The following GPD2 variants were observed in gnomAD, a reference collection of about 807,000 sequenced individuals.
GPD2 encodes glycerol-3-phosphate dehydrogenase, mitochondrial.
GPD2 carries 54 observed loss-of-function variants against 82.4 expected under a neutral mutation model. That is an observed-to-expected ratio of 0.66 (90% CI 0.53 to 0.82). GPD2 has a LOEUF of 0.82. Ranked by LOEUF, GPD2 falls within the 40% of genes least tolerant of loss-of-function variation. The pLI is 0.00. For missense variants in GPD2, 748 were observed against 896.2 expected, an observed-to-expected ratio of 0.83 and a Z score of 2.11; for synonymous variants, 288 against 306.1, an observed-to-expected ratio of 0.94 and a Z score of 0.62.
At position 156,512,312 on chromosome 2, in the gene GPD2, T is replaced by G. The variant is rs114815323; in HGVS notation, c.492T>G (p.Val164=). 34 of 1,527,696 alleles carry G rather than the reference T, an allele frequency of 2.2e-5. No homozygotes were observed. In the African/African-American group the frequency reaches 4.2e-4, roughly 19 times the overall value. 94.6% of individuals were successfully genotyped at this position (1,527,696 alleles called of 1,614,324 possible). The part of the protein sequence containing the change: ...LSAPLPIMLP[V]YKWWQLPYYW... The stretch of plus-strand genomic sequence containing the variant: ...CTCCATTGCCTATAATGCTTCCAGT[T>G]TACAAGTAAGCCTTTTGATATCACC... The change falls in exon 5 of 17, where the codon GTT becomes GTG. Residue 164 remains valine, a synonymous_variant. Coordinates refer to ENST00000438166, the MANE Select transcript of GPD2 (RefSeq NM_000408.5).
At chr2:156,476,961 A>T (rs1034833737) in intron 2 of GPD2, among the ~76,000 whole-genome samples, 1 of 152,208 alleles carries the variant, frequency 6.6e-6, no homozygotes, top group Non-Finnish European at 1.5e-5. Context: ...TCAAAGATGA[A>T]GGTGAAGGAA....
intron 16 of GPD2, among the ~76,000 whole-genome samples, chr2:156,581,993 G>T (rs1175051311): frequency 6.6e-6 from 1 of 151,938 alleles, no homozygotes; most frequent in Non-Finnish European, 1.5e-5. Flanking sequence ...TATATGATGT[G>T]TGTGCATGTG....
At chr2:156,544,316 A>C (rs1347098) in intron 6 of GPD2, among the ~76,000 whole-genome samples, 107,170 of 152,030 alleles carry the variant, frequency 0.7, 37,883 homozygotes, top group Middle Eastern at 0.82. Context: ...ACAAGGGCAC[A>C]AGCAGAAACA....
intron 3 of GPD2, 147 bp downstream of exon 3, chr2:156,496,362 T>G: frequency 1.6e-6 from 1 of 627,254 alleles, no homozygotes. Context: ...ATGCATTAGC[T>G]ATTTATCCTG....
Position 156,476,211 on chromosome 2 carries a change from A to G in GPD2, c.102+4A>G, listed in dbSNP as rs368949269. 5 of 1,459,612 alleles carry G rather than the reference A, an allele frequency of 3.4e-6. No homozygotes were observed. Among genetic ancestry groups the G allele is most frequent in the Non-Finnish European group, 4.8e-6 (5 of 1,039,040 alleles). 90.4% of individuals were successfully genotyped at this position (1,459,612 alleles called of 1,614,324 possible). ...TGCTCATTACAGAAGGAAACAAGTA[A>G]GTAACTGTACTTGTGTTGATTACAG... On this transcript the variant is annotated splice_donor_region_variant and intron_variant, in intron 2 of 16. Coordinates refer to ENST00000438166, the MANE Select transcript of GPD2 (RefSeq NM_000408.5).
intron 6 of GPD2, among the ~76,000 whole-genome samples, chr2:156,534,169 T>G (rs1244179898): frequency 6.6e-6 from 1 of 151,510 alleles, no homozygotes. Flanking sequence ...TCGCCTGGAG[T>G]TTGGCCGTCC....
At chr2:156,536,475 A>G (rs1049580121) in intron 6 of GPD2, among the ~76,000 whole-genome samples, 3 of 152,242 alleles carry the variant, frequency 2.0e-5, no homozygotes, top group African/African-American at 7.2e-5. Flanking sequence ...ATCCTCAGCT[A>G]CGATATTGAT....
chr2:156,451,767 G>T lies in GPD2; in HGVS notation c.-9+15254G>T, dbSNP rs540241351. The stretch of plus-strand genomic sequence containing the variant: ...GGCTGACCCCCCCACCTCCCTCCCA[G>T]ACAGGGTGGCTGCCGGGCGGAGACA... On this transcript the variant is annotated intron_variant, in intron 1 of 16. Transcript: ENST00000438166. Among the ~76,000 whole-genome samples, 5 of 151,700 alleles carry T rather than the reference G, an allele frequency of 3.3e-5. 1 individual carries two copies. In the South Asian group the frequency reaches 1.0e-3, roughly 32 times the overall value.
intron 6 of GPD2, among the ~76,000 whole-genome samples, chr2:156,522,998 C>A (rs937423377): frequency 2.2e-4 from 33 of 151,718 alleles, no homozygotes; most frequent in Non-Finnish European, 4.4e-5. Context: ...CTTCCTCTTT[C>A]CCCCCTGCTC....
the GPD2 span, among the ~76,000 whole-genome samples, chr2:156,417,848 T>C: frequency 6.6e-5 from 10 of 150,852 alleles, no homozygotes; most frequent in African/African-American, 2.4e-4. Flanking sequence ...GTATCACTAC[T>C]CTTCAGCCTG....
At chr2:156,415,293 G>A in the GPD2 span, among the ~76,000 whole-genome samples, 3 of 151,526 alleles carry the variant, frequency 2.0e-5, no homozygotes, top group African/African-American at 7.3e-5. Context: ...CGAGTAGCTG[G>A]TATTACACGC....
At chr2:156,567,966 T>C (rs2105361243) in intron 9 of GPD2, among the ~76,000 whole-genome samples, 1 of 152,224 alleles carries the variant, frequency 6.6e-6, no homozygotes, top group South Asian at 2.1e-4. Flanking sequence ...ATAATTCAAG[T>C]ATAATGTACC....
intron 13 of GPD2, among the ~76,000 whole-genome samples, chr2:156,574,220 A>G (rs1687738641): frequency 6.6e-6 from 1 of 152,088 alleles, no homozygotes; most frequent in Non-Finnish European, 1.5e-5. Flanking sequence ...TTAGAGAAAA[A>G]AAAAAACATT....
intron 9 of GPD2, among the ~76,000 whole-genome samples, chr2:156,565,911 G>A (rs1687371853): frequency 6.6e-6 from 1 of 152,072 alleles, no homozygotes; most frequent in Non-Finnish European, 1.5e-5. Flanking sequence ...TACACAAAGA[G>A]TCTGCTAGAT....
At chr2:156,518,732 G>A (rs936542785) in intron 6 of GPD2, among the ~76,000 whole-genome samples, 2 of 152,058 alleles carry the variant, frequency 1.3e-5, no homozygotes, top group African/African-American at 2.4e-5. Context: ...ATCTTAAGAT[G>A]GTGCCTTTAA....
At chr2:156,471,496 T>G (rs1405669392) in intron 1 of GPD2, among the ~76,000 whole-genome samples, 1 of 152,212 alleles carries the variant, frequency 6.6e-6, no homozygotes, top group African/African-American at 2.4e-5. Context: ...GGACTTCTTT[T>G]TAAACACCAT....
rs1463358771 is a variant in GPD2 at position 156,583,702 on chromosome 2, T to A, written c.*784T>A. 6.6e-6 allele frequency: 1 copy of A among 152,588 alleles called. No homozygotes were observed. The highest frequency in any genetic ancestry group is 2.4e-5 in the African/African-American group (1 of 41,438). 9.5% of individuals were successfully genotyped at this position (152,588 alleles called of 1,614,324 possible). A position where few individuals can be genotyped will look rare whatever the true frequency, so the allele number is the denominator to read the frequency against. On this transcript the variant is annotated 3_prime_UTR_variant, in exon 17 of 17. Coordinates refer to ENST00000438166, the MANE Select transcript of GPD2 (RefSeq NM_000408.5). ...GCTGGTTTTCTTTGACTATTATAGT[T>A]GCCAGGAAGATCCTTGCTCTTCTTA...
intron 2 of GPD2, among the ~76,000 whole-genome samples, chr2:156,493,958 G>GTGTGTA (rs60643688): frequency 0.21 from 30,360 of 143,252 alleles, 3,648 homozygotes; most frequent in Non-Finnish European, 0.27. Context: ...GTGTGTGTGT[G>GTGTGTA]TATAATTTTT....
At chr2:156,401,227 A>G in the GPD2 span, among the ~76,000 whole-genome samples, 11 of 152,302 alleles carry the variant, frequency 7.2e-5, no homozygotes, top group Non-Finnish European at 8.8e-5. Flanking sequence ...CTTATAGCAA[A>G]TGTGCTTTTC....
Sources: gnomAD v4.1 joint callset for allele counts (sites outside exome capture counted in the v4.1 genomes callset) on GRCh38, gnomAD v4.1.1 for gene constraint, MANE v1.5 for transcripts, NCBI Gene and HGNC (gene_info 2026-07-23, HGNC 2026-07-21) for gene names.